The following GDE1 variants were observed in gnomAD, a reference collection of about 807,000 sequenced individuals.
GDE1 encodes the protein RGS16-interacting membrane protein.
In GDE1, 24 loss-of-function variants were observed where a neutral mutation model predicts 32.2. The ratio of observed to expected loss-of-function variants is 0.75; its 90% CI spans 0.54 to 1.05. The LOEUF is 1.05. GDE1 is among the 50% of genes least tolerant of loss of function. GDE1 has a pLI of 0.00. For synonymous variants in GDE1, 159 were observed against 158.6 expected, an observed-to-expected ratio of 1.00 and a Z score of -0.02; for missense variants, 380 against 415.0, an observed-to-expected ratio of 0.92 and a Z score of 0.73.
Position 19,522,037 on chromosome 16 carries a change from G to C in GDE1, c.-73C>G, listed in dbSNP as rs1246449600. The C allele has an allele frequency of 6.9e-7, 1 of 1,454,260 alleles. No individual in the cohort carries two copies. Among genetic ancestry groups the C allele is most frequent in the African/African-American group, 1.4e-5 (1 of 70,654 alleles). The allele number at this position is 1,454,260 out of a possible 1,614,324, so 90.1% of individuals were successfully genotyped here. A position where few individuals can be genotyped will look rare whatever the true frequency, so the allele number is the denominator to read the frequency against. On this transcript the variant is annotated 5_prime_UTR_variant, in exon 1 of 6. Coordinates refer to ENST00000353258, the MANE Select transcript of GDE1 (RefSeq NM_016641.4). ...CCTGGGGCAGTAGAACGAGAAGCGA[G>C]GGGGAGGGTCCAAGGCACCGGCAGC...
chr16:19,509,521 C>T (rs1187737257), intron 3 of GDE1, among the ~76,000 whole-genome samples: 3 of 152,204 alleles, frequency 2.0e-5, no homozygotes, highest in African/African-American at 7.2e-5. Flanking sequence ...GTGATTCTAA[C>T]GCAGACCAAT....
chr16:19,519,178 T>A (rs192422984), intron 1 of GDE1, among the ~76,000 whole-genome samples: 1 of 152,268 alleles, frequency 6.6e-6, no homozygotes, highest in Non-Finnish European at 1.5e-5. Flanking sequence ...TTAATTCCTC[T>A]TAGGTTTTTA....
Position 19,517,133 on chromosome 16 carries a change from C to T in GDE1, c.318G>A (p.Gly106=), listed in dbSNP as rs1178849790. Residue 106 remains glycine, a synonymous_variant, in exon 2 of 6, where the codon GGG becomes GGA. Transcript: ENST00000353258. ...VELDIEFTSD[G]IPVLMHDNTV... is the part of the protein sequence containing the mutation. ...TGTTATCGTGCATTAAGACAGGAAT[C>T]CCGTCAGAAGTAAACTCAATGTCCA... 6.2e-7 allele frequency: 1 copy of T among 1,613,798 alleles called. No individual in the cohort carries two copies. Among genetic ancestry groups the T allele is most frequent in the Admixed American group, 1.7e-5 (1 of 60,006 alleles).
At chr16:19,516,182 G>T (rs940499315) in intron 2 of GDE1, among the ~76,000 whole-genome samples, 2 of 152,166 alleles carry the variant, frequency 1.3e-5, no homozygotes, top group Admixed American at 6.5e-5. Context: ...ACTCTACCAG[G>T]AAGGAATTAA....
At chr16:19,519,282 G>A (rs1969419066) in intron 1 of GDE1, among the ~76,000 whole-genome samples, 1 of 151,996 alleles carries the variant, frequency 6.6e-6, no homozygotes, top group Non-Finnish European at 1.5e-5. Flanking sequence ...TGAAAGACAG[G>A]GAAAGATTCC....
chr16:19,504,125 T>TGACA (rs1428236607), intron 5 of GDE1: 1 of 154,026 alleles, frequency 6.5e-6, no homozygotes, highest in Admixed American at 6.4e-5. Context: ...ATGCTGTTTC[T>TGACA]GACAACCCAG....
At position 19,502,695 on chromosome 16, in the gene GDE1, CAG is replaced by C. The variant is rs1282634082; in HGVS notation, c.*773_*774del. The C allele has an allele frequency of 2.6e-5, 4 of 152,168 alleles. No homozygotes were observed. The highest frequency in any genetic ancestry group is 9.7e-5 in the African/African-American group (4 of 41,436). 9.4% of individuals were successfully genotyped at this position (152,168 alleles called of 1,614,324 possible). A position where few individuals can be genotyped will look rare whatever the true frequency, so the allele number is the denominator to read the frequency against. On this transcript the variant is annotated 3_prime_UTR_variant, in exon 6 of 6. Transcript: ENST00000353258. ...TTTTGAGGCAACCCCTTCCCTTCCACAGAGTTTAGTTTCCTCATTTGTAAAAT... is the reference window on the plus strand; with the variant it reads ...TTTTGAGGCAACCCCTTCCCTTCCACAGTTTAGTTTCCTCATTTGTAAAAT...
At chr16:19,504,022 A>C (rs1969213349) in intron 5 of GDE1, 1 of 158,450 alleles carries the variant, frequency 6.3e-6, no homozygotes, top group African/African-American at 2.4e-5. Flanking sequence ...CCTTCCTGCC[A>C]GAGCACATTA....
Position 19,503,190 on chromosome 16 carries a change from C to A in GDE1, c.*280G>T. The A allele has an allele frequency of 2.3e-6, 1 of 437,146 alleles. No homozygotes were observed. The highest frequency in any genetic ancestry group is 3.6e-5 in the South Asian group (1 of 27,576). 27.1% of individuals were successfully genotyped at this position (437,146 alleles called of 1,614,324 possible). A position where few individuals can be genotyped will look rare whatever the true frequency, so the allele number is the denominator to read the frequency against. On this transcript the variant is annotated 3_prime_UTR_variant, in exon 6 of 6. Coordinates refer to ENST00000353258, the MANE Select transcript of GDE1 (RefSeq NM_016641.4). ...ACAATTCAATCTGTGCTTATCCTCA[C>A]TGGGTCTCCCTGTGTGCCTCAGCTA...
Position 19,502,241 on chromosome 16 carries a change from A to C in GDE1, c.*1229T>G, listed in dbSNP as rs1237828029. 6 of 152,164 alleles carry C rather than the reference A, an allele frequency of 3.9e-5. No homozygotes were observed. The highest frequency in any genetic ancestry group is 8.8e-5 in the Non-Finnish European group (6 of 68,038). 9.4% of individuals were successfully genotyped at this position (152,164 alleles called of 1,614,324 possible). On this transcript the variant is annotated 3_prime_UTR_variant, in exon 6 of 6. Coordinates refer to ENST00000353258, the MANE Select transcript of GDE1 (RefSeq NM_016641.4). ...GGTAAGTGGTTTTATGAAGTACCTCAGTTCTTCATCAGTAGAAAGAGTGCT... is the reference window on the plus strand; with the variant it reads ...GGTAAGTGGTTTTATGAAGTACCTCCGTTCTTCATCAGTAGAAAGAGTGCT...
At chr16:19,518,951 G>T (rs796854362) in intron 1 of GDE1, among the ~76,000 whole-genome samples, 5 of 152,150 alleles carry the variant, frequency 3.3e-5, no homozygotes, top group African/African-American at 1.2e-4. Flanking sequence ...AAAATGTGGG[G>T]GTTTTTCCCC....
intron 3 of GDE1, 105 bp downstream of exon 3, chr16:19,510,734 A>T: frequency 2.0e-6 from 1 of 501,244 alleles, no homozygotes; most frequent in South Asian, 4.5e-5. Context: ...TTATAAAAAT[A>T]AGTTTTAAAA....
At chr16:19,518,163 C>T (rs1173196214) in intron 1 of GDE1, among the ~76,000 whole-genome samples, 3 of 152,102 alleles carry the variant, frequency 2.0e-5, no homozygotes, top group African/African-American at 4.8e-5. Context: ...GCTGGGATTA[C>T]AGGTGTGAGC....
At chr16:19,515,327 T>C (rs1162787312) in intron 2 of GDE1, among the ~76,000 whole-genome samples, 1 of 152,166 alleles carries the variant, frequency 6.6e-6, no homozygotes, top group East Asian at 1.9e-4. Flanking sequence ...TTTTCAATCA[T>C]AGAACACACT....
chr16:19,512,075 T>C (rs566798978), intron 2 of GDE1, among the ~76,000 whole-genome samples: 3 of 152,272 alleles, frequency 2.0e-5, no homozygotes, highest in Non-Finnish European at 4.4e-5. Flanking sequence ...TTCTTTTGGA[T>C]AGATACCAAC....
intron 3 of GDE1, among the ~76,000 whole-genome samples, chr16:19,510,235 C>G (rs1969300312): frequency 1.3e-5 from 2 of 151,982 alleles, no homozygotes; most frequent in African/African-American, 4.8e-5. Flanking sequence ...AAAATTTTAT[C>G]TAGGAATGTC....
intron 4 of GDE1, among the ~76,000 whole-genome samples, chr16:19,506,945 G>A (rs1441254805): frequency 6.6e-6 from 1 of 151,852 alleles, no homozygotes; most frequent in Non-Finnish European, 1.5e-5. Context: ...AACTGCCTGG[G>A]TAATACAGGG....
chr16:19,520,323 A>C (rs533388877), intron 1 of GDE1, among the ~76,000 whole-genome samples: 1 of 151,634 alleles, frequency 6.6e-6, no homozygotes, highest in African/African-American at 2.4e-5. Context: ...AATCACTTGA[A>C]CCTGGGATAC....
intron 3 of GDE1, among the ~76,000 whole-genome samples, chr16:19,509,414 A>G (rs920507081): frequency 1.3e-5 from 2 of 152,214 alleles, no homozygotes; most frequent in African/African-American, 4.8e-5. Flanking sequence ...TGAGGTGCTC[A>G]TTAAAAATAC....
Sources: allele counts gnomAD v4.1 joint callset (sites outside exome capture counted in the v4.1 genomes callset), GRCh38; gene constraint gnomAD v4.1.1; transcripts MANE v1.5; gene names NCBI Gene and HGNC (gene_info 2026-07-23, HGNC 2026-07-21).